SYCP1: variants seen among roughly 807,000 people sequenced by gnomAD.
SYCP1 encodes the protein cancer/testis antigen 8.
A neutral mutation model predicts 153.1 loss-of-function variants in SYCP1; 64 were observed. The ratio of observed to expected loss-of-function variants is 0.42; its 90% confidence interval spans 0.34 to 0.51. The LOEUF is 0.51. Among genes scored for constraint, SYCP1 ranks in the 20% least tolerant of loss-of-function variants. The probability of loss-of-function intolerance (pLI) is 0.06; values close to 1 mark genes in which losing one functional copy is unlikely to be tolerated. For missense variants in SYCP1, 997 were observed against 1,049.0 expected (o/e 0.95, Z 0.68); for synonymous variants, 384 against 341.8 (o/e 1.12, Z -1.36).
At chr1:114,926,202 AT>A in intron 21 of SYCP1, 75 bp from the exon 22 acceptor site, 1 of 1,168,954 alleles carries the variant, frequency 8.6e-7, no homozygotes, top group East Asian at 2.9e-5. Context: ...TTTATGCAAT[AT>A]TTTTATTAGT....
chr1:114,872,844 AGC>A (rs1401924719), intron 8 of SYCP1, among the ~76,000 whole-genome samples: 13 of 152,060 alleles, frequency 8.5e-5, no homozygotes, highest in African/African-American at 2.9e-4. Context: ...TTTTAGAGAC[AGC>A]GTCTTTCTAT....
At chr1:114,976,317 G>T (rs1250800022) in intron 27 of SYCP1, among the ~76,000 whole-genome samples, 1 of 151,676 alleles carries the variant, frequency 6.6e-6, no homozygotes, top group Admixed American at 6.6e-5. Flanking sequence ...CTCTCTGTTT[G>T]CCAGGCCGTA....
rs771226841 is a variant in SYCP1 at position 114,910,506 on chromosome 1, G to A, written c.1425+5G>A. The A allele has an allele frequency of 6.7e-7, 1 of 1,500,402 alleles. No individual in the cohort carries two copies. Among genetic ancestry groups the A allele is most frequent in the Non-Finnish European group, 8.9e-7 (1 of 1,121,266 alleles). 92.9% of individuals were successfully genotyped at this position (1,500,402 alleles called of 1,614,324 possible). A position where few individuals can be genotyped will look rare whatever the true frequency, so the allele number is the denominator to read the frequency against. ...GGTCTTCTCCAAGCCAGAGAGGTTT[G>A]TTTAAGGAAACATTTTTATTTTAAA... On this transcript the variant is annotated splice_donor_5th_base_variant and intron_variant, in intron 17 of 31. Coordinates refer to ENST00000369522, the MANE Select transcript of SYCP1 (RefSeq NM_003176.4).
At chr1:114,985,285 T>C (rs1463635957) in intron 30 of SYCP1, among the ~76,000 whole-genome samples, 1 of 152,004 alleles carries the variant, frequency 6.6e-6, no homozygotes, top group Non-Finnish European at 1.5e-5. Context: ...CACTGGTTGA[T>C]ATTTATATCA....
chr1:114,902,092 C>T (rs1667489732), intron 16 of SYCP1, among the ~76,000 whole-genome samples: 1 of 150,598 alleles, frequency 6.6e-6, no homozygotes, highest in Admixed American at 6.6e-5. Flanking sequence ...TCATGCTTCC[C>T]AACGGGGAGG....
intron 8 of SYCP1, among the ~76,000 whole-genome samples, chr1:114,870,108 G>A (rs1172675131): frequency 1.3e-5 from 2 of 152,040 alleles, no homozygotes; most frequent in Non-Finnish European, 2.9e-5. Context: ...TGAAATCCTG[G>A]GCTCAAGCGA....
At chr1:114,885,087 T>G (rs1209286205) in intron 12 of SYCP1, among the ~76,000 whole-genome samples, 1 of 152,148 alleles carries the variant, frequency 6.6e-6, no homozygotes, top group African/African-American at 2.4e-5. Flanking sequence ...TAAATTACTT[T>G]TCATATTTTA....
intron 27 of SYCP1, among the ~76,000 whole-genome samples, chr1:114,960,687 G>A (rs146005233): frequency 3.3e-5 from 5 of 152,208 alleles, no homozygotes; most frequent in Non-Finnish European, 5.9e-5. Context: ...TCATATACCT[G>A]TTTGCCATTG....
At chr1:114,937,048 A>G (rs1366233817) in intron 23 of SYCP1, among the ~76,000 whole-genome samples, 1 of 152,236 alleles carries the variant, frequency 6.6e-6, no homozygotes, top group Non-Finnish European at 1.5e-5. Context: ...AAACTCCTTT[A>G]AAGTTCATAT....
chr1:114,874,027 C>T (rs1375014612), intron 8 of SYCP1, among the ~76,000 whole-genome samples: 1 of 152,142 alleles, frequency 6.6e-6, no homozygotes, highest in Non-Finnish European at 1.5e-5. Flanking sequence ...CCACCACACC[C>T]AGCCTCCACA....
chr1:114,882,226 A>T (rs1219523513), intron 12 of SYCP1, among the ~76,000 whole-genome samples: 1 of 151,698 alleles, frequency 6.6e-6, no homozygotes, highest in East Asian at 1.9e-4. Flanking sequence ...ACCAAACAAA[A>T]CCAAACCCGA....
intron 16 of SYCP1, among the ~76,000 whole-genome samples, chr1:114,900,807 C>A (rs1362233003): frequency 6.6e-6 from 1 of 152,162 alleles, no homozygotes; most frequent in Non-Finnish European, 1.5e-5. Context: ...CATGCCTTAC[C>A]AAGTTGAACA....
intron 19 of SYCP1, among the ~76,000 whole-genome samples, chr1:114,913,754 A>G (rs1219581256): frequency 6.6e-6 from 1 of 152,102 alleles, no homozygotes; most frequent in Non-Finnish European, 1.5e-5. Flanking sequence ...GGAAAACCAA[A>G]TGATACTTGT....
intron 1 of SYCP1, 23 bp from the exon 2 acceptor site, chr1:114,855,418 C>A: frequency 7.3e-7 from 1 of 1,377,966 alleles, no homozygotes; most frequent in South Asian, 1.2e-5. Context: ...TTTCCTTCCC[C>A]TCCCGCCCCC....
chr1:114,872,006 CTTTTTTT>C (rs71582510), intron 8 of SYCP1, among the ~76,000 whole-genome samples: 10 of 127,184 alleles, frequency 7.9e-5, no homozygotes, highest in Admixed American at 3.3e-4. Flanking sequence ...CTTTCTTTTT[CTTTTTTT>C]TTTTTTTTGG....
chr1:114,946,899 C>T (rs1320376032), intron 26 of SYCP1, among the ~76,000 whole-genome samples: 1 of 151,838 alleles, frequency 6.6e-6, no homozygotes, highest in East Asian at 1.9e-4. Flanking sequence ...ATCACCACAC[C>T]CGGCTAATTT....
intron 27 of SYCP1, among the ~76,000 whole-genome samples, chr1:114,963,561 C>A (rs987404924): frequency 6.6e-6 from 1 of 151,848 alleles, no homozygotes; most frequent in Non-Finnish European, 1.5e-5. Context: ...GTGTGATGTT[C>A]CCATCCCTGT....
intron 27 of SYCP1, among the ~76,000 whole-genome samples, chr1:114,968,420 A>C (rs1400748949): frequency 6.6e-6 from 1 of 152,018 alleles, no homozygotes; most frequent in Non-Finnish European, 1.5e-5. Context: ...ACTTTATTTC[A>C]TTAAGTTGAT....
At chr1:114,921,597 T>C (rs1316853549) in intron 20 of SYCP1, among the ~76,000 whole-genome samples, 1 of 150,766 alleles carries the variant, frequency 6.6e-6, no homozygotes, top group East Asian at 1.9e-4. Context: ...GAGAATTGCT[T>C]GAATCTGGGA....
Sources: gnomAD v4.1 joint callset for allele counts (sites outside exome capture counted in the v4.1 genomes callset) on GRCh38, gnomAD v4.1.1 for gene constraint, MANE v1.5 for transcripts, NCBI Gene and HGNC (gene_info 2026-07-23, HGNC 2026-07-21) for gene names.